Variants in CAMTA1 observed in about 807,000 individuals in gnomAD.
The protein encoded by CAMTA1 is calmodulin binding transcription activator 1, also known as calmodulin-binding transcription activator 1.
Under a neutral mutation model 170.9 loss-of-function variants are expected in CAMTA1, and 27 were observed. The ratio of observed to expected loss-of-function variants is 0.16; its 90% CI spans 0.12 to 0.22. CAMTA1 has a LOEUF of 0.22. Among genes scored for constraint, CAMTA1 ranks in the 10% least tolerant of loss-of-function variants. The pLI, the probability that CAMTA1 is intolerant of heterozygous loss-of-function variation, is 1.00. For missense variants in CAMTA1, 1,619 were observed against 2,217.2 expected, an observed-to-expected ratio of 0.73 and a Z score of 5.42; for synonymous variants, 833 against 891.5, an observed-to-expected ratio of 0.93 and a Z score of 1.17.
In CAMTA1 at chr1:7,286,807, A is replaced by G. The variant is rs146238694; in HGVS notation, c.438+37181A>G. Among the ~76,000 whole-genome samples, 79 of 152,312 alleles carry G rather than the reference A, an allele frequency of 5.2e-4. No homozygotes were observed. Among genetic ancestry groups the G allele is most frequent in the African/African-American group, 1.9e-3 (77 of 41,568 alleles). On this transcript the variant is annotated intron_variant, in intron 5 of 22. Coordinates refer to ENST00000303635, the MANE Select transcript of CAMTA1 (RefSeq NM_015215.4). The surrounding 1 kb of genome is among the most constrained non-coding windows in gnomAD (Gnocchi z 4.2). ...CAGCTCTACACTTCTGAGTAGTAAG[A>G]TATCAGGCAAGTTATTTAACTTTCC...
intron 12 of CAMTA1, among the ~76,000 whole-genome samples, chr1:7,735,504 G>A (rs1399407355): frequency 2.0e-5 from 3 of 151,516 alleles, no homozygotes; most frequent in Admixed American, 1.3e-4. Flanking sequence ...CGCTATACCC[G>A]CCAGTGGAAA....
chr1:7,343,113 C>G (rs1295700443), intron 5 of CAMTA1, among the ~76,000 whole-genome samples: 2 of 152,184 alleles, frequency 1.3e-5, no homozygotes, highest in Non-Finnish European at 2.9e-5. Context: ...CCCAGTCTAG[C>G]CCAGAGGTAT....
chr1:6,902,077 A>ATAAATAAAAAAT (rs1553180469), intron 3 of CAMTA1, among the ~76,000 whole-genome samples: 1 of 70,874 alleles, frequency 1.4e-5, no homozygotes, highest in African/African-American at 3.5e-5. Flanking sequence ...ACACACAAAA[A>ATAAATAAAAAAT]AAAAAATAAA....
rs1456089960 is a variant in CAMTA1 at position 7,234,038 on chromosome 1, G to T, written c.303-15453G>T. Among the ~76,000 whole-genome samples, 1 of 152,082 alleles carries T rather than the reference G, an allele frequency of 6.6e-6. No individual in the cohort carries two copies. Among genetic ancestry groups the T allele is most frequent in the Non-Finnish European group, 1.5e-5 (1 of 68,006 alleles). ...TTATGCTACATTTGTATTAAGATTG[G>T]AGTCCTCGCTTTTCCTTCATCGCTG... On this transcript the variant is annotated intron_variant, in intron 4 of 22. Coordinates refer to ENST00000303635, the MANE Select transcript of CAMTA1 (RefSeq NM_015215.4). The surrounding 1 kb of genome is among the most constrained non-coding windows in gnomAD (Gnocchi z 5.0).
chr1:7,559,390 C>G (rs1248532615), intron 6 of CAMTA1, among the ~76,000 whole-genome samples: 1 of 152,152 alleles, frequency 6.6e-6, no homozygotes, highest in African/African-American at 2.4e-5. Flanking sequence ...CTCTTGCCCT[C>G]CCTGCCACCT....
rs1349705242 is a variant in CAMTA1 at position 7,144,272 on chromosome 1, TGA to T, written c.302+52903_302+52904del. ...GTGTGTATGTGTGTGTTTGTGTGTA[TGA>T]GTGTGTGTTTGTGTGTATGAGTGTG... On this transcript the variant is annotated intron_variant, in intron 4 of 22. Transcript: ENST00000303635. This position sits in a 1 kb window ranked among gnomAD's most constrained non-coding sequence, Gnocchi z 4.0. 3.2e-4 allele frequency among the ~76,000 whole-genome samples: 49 copies of T among 151,840 alleles called. No homozygotes were observed. Among genetic ancestry groups the T allele is most frequent in the African/African-American group, 1.2e-3 (48 of 41,216 alleles).
In CAMTA1 at chr1:7,095,071, T is replaced by A. The variant is rs1336365262; in HGVS notation, c.302+3700T>A. Among the ~76,000 whole-genome samples the A allele has an allele frequency of 7.9e-5, 3 of 37,828 alleles. No homozygotes were observed. In the Admixed American group the frequency reaches 1.1e-3, roughly 14 times the overall value. The allele number at this position is 37,828 out of a possible 152,430, so 24.8% of individuals were successfully genotyped here. A position where few individuals can be genotyped will look rare whatever the true frequency, so the allele number is the denominator to read the frequency against. On this transcript the variant is annotated intron_variant, in intron 4 of 22. Transcript: ENST00000303635. ...CCCCACCCCCACCCAGCCAGCCCCC[T>A]TTCCTCCTTTCTTGTTTTACGTTTC...
intron 3 of CAMTA1, among the ~76,000 whole-genome samples, chr1:6,898,501 T>C (rs535574339): frequency 1.3e-5 from 2 of 152,198 alleles, no homozygotes; most frequent in South Asian, 4.2e-4. Flanking sequence ...TGCAGTGAGC[T>C]GAGATCGCAC....
chr1:7,191,446 G>A (rs189749680), intron 4 of CAMTA1, among the ~76,000 whole-genome samples: 18 of 152,280 alleles, frequency 1.2e-4, no homozygotes, highest in Non-Finnish European at 2.1e-4. Flanking sequence ...TTCAAGAAGC[G>A]TTGTTTAGTT....
intron 3 of CAMTA1, among the ~76,000 whole-genome samples, chr1:6,859,746 G>A (rs1328249662): frequency 6.6e-6 from 1 of 152,180 alleles, no homozygotes. Flanking sequence ...CTGTGATCGT[G>A]CGAGTGCACC....
rs915400295 is a variant in CAMTA1, at chr1:7,668,765, C to T, written c.2653-2146C>T. Among the ~76,000 whole-genome samples, 7 of 152,338 alleles carry T rather than the reference C, an allele frequency of 4.6e-5. No homozygotes were observed. In the South Asian group the frequency reaches 6.2e-4, roughly 14 times the overall value. On this transcript the variant is annotated intron_variant, in intron 9 of 22. Transcript: ENST00000303635. ...TCCTGATGTTCTCCAGTAATTTCTG[C>T]AGTTCTTTGTTCCCGGCAGCAGCCC... is the stretch of plus-strand genomic sequence containing the variant.
chr1:6,799,705 A>G (rs891754629), intron 1 of CAMTA1, among the ~76,000 whole-genome samples: 3 of 152,194 alleles, frequency 2.0e-5, no homozygotes, highest in African/African-American at 7.2e-5. Flanking sequence ...TTAATAATTA[A>G]TAGCAATAAC....
chr1:7,008,228 C>A (rs1699291304), intron 3 of CAMTA1: 1 of 152,294 alleles, frequency 6.6e-6, no homozygotes, highest in Non-Finnish European at 1.5e-5. Flanking sequence ...AGCACGGGTA[C>A]ACAATGCAGA....
chr1:7,298,147 A>G (rs1378525008), intron 5 of CAMTA1, among the ~76,000 whole-genome samples: 3 of 152,168 alleles, frequency 2.0e-5, no homozygotes, highest in Non-Finnish European at 2.9e-5. Context: ...CCAGGGAAGG[A>G]TTCTCAAGGA....
intron 6 of CAMTA1, among the ~76,000 whole-genome samples, chr1:7,539,846 G>A (rs927729258): frequency 2.0e-5 from 3 of 152,246 alleles, no homozygotes; most frequent in African/African-American, 7.2e-5. Flanking sequence ...CATCTCATGA[G>A]TCAGAGAACT....
chr1:7,153,324 GA>G (rs1167008860), intron 4 of CAMTA1, among the ~76,000 whole-genome samples: 1 of 152,064 alleles, frequency 6.6e-6, no homozygotes, highest in African/African-American at 2.4e-5. Context: ...TTGGTATAAG[GA>G]AAAAAATTAA....
intron 19 of CAMTA1, chr1:7,749,674 T>TG: frequency 2.5e-6 from 1 of 405,174 alleles, no homozygotes; most frequent in Non-Finnish European, 4.8e-6. Flanking sequence ...TTGCCTTTTT[T>TG]TTTTTTCTTG....
intron 5 of CAMTA1, among the ~76,000 whole-genome samples, chr1:7,368,633 G>A (rs985692807): frequency 1.3e-5 from 2 of 152,200 alleles, no homozygotes; most frequent in African/African-American, 4.8e-5. Context: ...GGCTCTGGGT[G>A]GCCCTCATCA....
intron 5 of CAMTA1, among the ~76,000 whole-genome samples, chr1:7,405,434 G>C (rs1418268778): frequency 6.6e-6 from 1 of 152,100 alleles, no homozygotes; most frequent in Non-Finnish European, 1.5e-5. Flanking sequence ...GCAGTAGCAC[G>C]ATCATGGCTC....
Sources: gnomAD v4.1 joint callset for allele counts (sites outside exome capture counted in the v4.1 genomes callset) on GRCh38, gnomAD v4.1.1 for gene constraint, Gnocchi (gnomAD v3.1) non-coding constraint, MANE v1.5 for transcripts, NCBI Gene and HGNC (gene_info 2026-07-23, HGNC 2026-07-21) for gene names.